GAS2: variants seen among roughly 807,000 people sequenced by gnomAD.
GAS2 encodes the protein growth arrest-specific protein 2.
Under a neutral mutation model 37.5 loss-of-function variants are expected in GAS2, and 20 were observed. The observed-to-expected ratio is 0.53, with a 90% CI of 0.37 to 0.77. The LOEUF (loss-of-function observed/expected upper bound fraction) is 0.77, where lower values mean the gene tolerates loss of function less well. Among genes scored for constraint, GAS2 ranks in the 30% least tolerant of loss-of-function variants. The pLI, the probability that GAS2 is intolerant of heterozygous loss-of-function variation, is 0.00. For missense variants in GAS2, 336 were observed against 373.4 expected (o/e 0.90, Z 0.82); for synonymous variants, 144 against 132.2 (o/e 1.09, Z -0.61).
intron 4 of GAS2, among the ~76,000 whole-genome samples, chr11:22,735,542 T>C (rs1471986217): frequency 6.6e-6 from 1 of 151,724 alleles, no homozygotes; most frequent in South Asian, 2.1e-4. Context: ...TGTGATAGAG[T>C]TGATATTGAG....
intron 3 of GAS2, among the ~76,000 whole-genome samples, chr11:22,707,058 T>A (rs949883237): frequency 1.3e-5 from 2 of 152,108 alleles, no homozygotes; most frequent in Non-Finnish European, 2.9e-5. Context: ...CTCATTGTGG[T>A]TTTGATTTGC....
At chr11:22,718,780 A>G (rs1159091700) in intron 3 of GAS2, among the ~76,000 whole-genome samples, 2 of 152,022 alleles carry the variant, frequency 1.3e-5, no homozygotes, top group Non-Finnish European at 2.9e-5. Flanking sequence ...AAAGTGTAGA[A>G]CTAGATTTTT....
intron 7 of GAS2, among the ~76,000 whole-genome samples, chr11:22,808,219 C>T (rs751159568): frequency 3.9e-5 from 6 of 152,150 alleles, no homozygotes; most frequent in African/African-American, 1.4e-4. Context: ...ATCAAAGGAA[C>T]CTTCACATGA....
chr11:22,668,132 A>T (rs1404113198), intron 1 of GAS2: 1 of 152,362 alleles, frequency 6.6e-6, no homozygotes, highest in African/African-American at 2.4e-5. Context: ...CAAGGCAGAG[A>T]ACAAGACCTG....
intron 3 of GAS2, among the ~76,000 whole-genome samples, chr11:22,720,287 T>A (rs1313749155): frequency 6.6e-6 from 1 of 151,894 alleles, no homozygotes; most frequent in African/African-American, 2.4e-5. Context: ...GCAGAAAGGG[T>A]CAATTTTGGA....
chr11:22,674,799 T>C, intron 1 of GAS2, 51 bp from the exon 2 acceptor site: 1 of 1,389,146 alleles, frequency 7.2e-7, no homozygotes, highest in South Asian at 1.4e-5. Context: ...TGACAACATT[T>C]TGTGAGAGAA....
intron 7 of GAS2, among the ~76,000 whole-genome samples, chr11:22,799,408 T>C (rs1856564657): frequency 6.6e-6 from 1 of 152,102 alleles, no homozygotes; most frequent in Admixed American, 6.6e-5. Flanking sequence ...ATGAAGATCA[T>C]GAAGAGAATA....
Position 22,732,433 on chromosome 11 carries a change from T to A in GAS2, c.410-5272T>A, listed in dbSNP as rs984334033. Among the ~76,000 whole-genome samples the A allele has an allele frequency of 4.6e-5, 7 of 151,880 alleles. No individual in the cohort carries two copies. In the South Asian group the frequency reaches 1.2e-3, roughly 27 times the overall value. Reference sequence around the variant, plus strand: ...TATGGATGCCATATTCTATTTTAAATCATTCTTACTGGTGATTCTGAGAAA... The same window carrying A: ...TATGGATGCCATATTCTATTTTAAAACATTCTTACTGGTGATTCTGAGAAA... On this transcript the variant is annotated intron_variant, in intron 4 of 7. Coordinates refer to ENST00000454584, the MANE Select transcript of GAS2 (RefSeq NM_001143830.3).
At chr11:22,640,366 A>G (rs143828066) in intron 1 of GAS2, among the ~76,000 whole-genome samples, 405 of 152,322 alleles carry the variant, frequency 2.7e-3, no homozygotes, top group African/African-American at 9.2e-3. Context: ...TGAATTTAAA[A>G]TTTATTTGCA....
intron 7 of GAS2, among the ~76,000 whole-genome samples, chr11:22,790,565 T>A (rs914316399): frequency 2.0e-5 from 3 of 151,284 alleles, no homozygotes; most frequent in Admixed American, 6.6e-5. Flanking sequence ...CGGCTGAAAG[T>A]ATCCTCAATG....
intron 1 of GAS2, among the ~76,000 whole-genome samples, chr11:22,672,366 C>T (rs1849239473): frequency 6.6e-6 from 1 of 152,082 alleles, no homozygotes. Flanking sequence ...GTGCCACTGT[C>T]AAAGAAAATA....
In GAS2 at chr11:22,733,968, C is replaced by T. The variant is rs75398000; in HGVS notation, c.410-3737C>T. On this transcript the variant is annotated intron_variant, in intron 4 of 7. Coordinates refer to ENST00000454584, the MANE Select transcript of GAS2 (RefSeq NM_001143830.3). ...AATGATCAAGTGGGGAAAATGTCTC[C>T]TACTGTAAGTTTTAATGTAACTAGA... Among the ~76,000 whole-genome samples, 53 of 151,746 alleles carry T rather than the reference C, an allele frequency of 3.5e-4. No individual in the cohort carries two copies. In the East Asian group the frequency reaches 7.3e-3, roughly 21 times the overall value.
intron 1 of GAS2, among the ~76,000 whole-genome samples, chr11:22,645,372 G>A (rs1215104053): frequency 6.6e-6 from 1 of 152,020 alleles, no homozygotes; most frequent in African/African-American, 2.4e-5. Flanking sequence ...GCCAGGTGTG[G>A]TAGCATGCGC....
chr11:22,643,868 A>G lies in GAS2; in HGVS notation c.-21+18055A>G, dbSNP rs1284518164. Among the ~76,000 whole-genome samples, 4 of 152,260 alleles carry G rather than the reference A, an allele frequency of 2.6e-5. No homozygotes were observed. The East Asian group carries it at 5.8e-4, about 22-fold the overall frequency. Reference sequence around the variant, plus strand: ...GAAGGACATTTTTTTTCCTGCTTCAATAACTGTTTAAGTGTCTGTTGTTCC... The same window carrying G: ...GAAGGACATTTTTTTTCCTGCTTCAGTAACTGTTTAAGTGTCTGTTGTTCC... On this transcript the variant is annotated intron_variant, in intron 1 of 5. Transcript: ENST00000528582.
At chr11:22,797,013 C>T (rs1277237659) in intron 7 of GAS2, among the ~76,000 whole-genome samples, 2 of 152,022 alleles carry the variant, frequency 1.3e-5, no homozygotes, top group Admixed American at 6.6e-5. Flanking sequence ...TATCTCATTG[C>T]TTTCACTATG....
intron 1 of GAS2, among the ~76,000 whole-genome samples, chr11:22,657,323 A>C (rs754306297): frequency 1.2e-4 from 18 of 152,202 alleles, no homozygotes; most frequent in Non-Finnish European, 2.5e-4. Context: ...TATGTATGGC[A>C]AACAAGGTGG....
At chr11:22,677,029 G>A (rs1040925564) in intron 2 of GAS2, among the ~76,000 whole-genome samples, 1 of 152,098 alleles carries the variant, frequency 6.6e-6, no homozygotes, top group African/African-American at 2.4e-5. Context: ...AGTCATCTAG[G>A]TACTAGAGGA....
chr11:22,757,133 T>C (rs1157657785), intron 7 of GAS2, among the ~76,000 whole-genome samples: 2 of 152,122 alleles, frequency 1.3e-5, no homozygotes, highest in Non-Finnish European at 2.9e-5. Context: ...AAAGTGTTAA[T>C]AAAGCACATG....
chr11:22,811,159 G>A (rs1178918000), intron 7 of GAS2, among the ~76,000 whole-genome samples: 2 of 152,034 alleles, frequency 1.3e-5, no homozygotes, highest in Non-Finnish European at 2.9e-5. Flanking sequence ...AGCTCTAGAT[G>A]GCTCCTGGGC....
Sources: allele counts gnomAD v4.1 joint callset (sites outside exome capture counted in the v4.1 genomes callset), GRCh38; gene constraint gnomAD v4.1.1; transcripts MANE v1.5; gene names NCBI Gene and HGNC (gene_info 2026-07-23, HGNC 2026-07-21).